The following PIGU variants were observed in gnomAD, a reference collection of about 807,000 sequenced individuals.
PIGU encodes phosphatidylinositol glycan anchor biosynthesis class U, also known as GPI-anchor transamidase component PIGU.
PIGU carries 24 observed loss-of-function variants against 49.9 expected under a neutral mutation model. The ratio of observed to expected loss-of-function variants is 0.48; its 90% CI spans 0.35 to 0.68. The LOEUF (loss-of-function observed/expected upper bound fraction) is 0.68. Among genes scored for constraint, PIGU ranks in the 30% least tolerant of loss-of-function variants. The pLI is 0.01. For missense variants in PIGU, 490 were observed against 532.6 expected, an observed-to-expected ratio of 0.92 and a Z score of 0.79; for synonymous variants, 220 against 205.7, an observed-to-expected ratio of 1.07 and a Z score of -0.59.
chr20:34,631,941 G>A (rs927224137), intron 6 of PIGU, among the ~76,000 whole-genome samples: 100 of 149,536 alleles, frequency 6.7e-4, no homozygotes, highest in African/African-American at 2.4e-3. Flanking sequence ...CTGGGCTCAA[G>A]TGACCCTCCT....
chr20:34,628,019 C>T (rs868181190), intron 6 of PIGU, among the ~76,000 whole-genome samples: 1 of 152,124 alleles, frequency 6.6e-6, no homozygotes, highest in East Asian at 1.9e-4. Flanking sequence ...CTTATAAAGA[C>T]CTAAGGCATC....
chr20:34,662,959 T>C (rs1327608104), intron 1 of PIGU, among the ~76,000 whole-genome samples: 1 of 151,996 alleles, frequency 6.6e-6, no homozygotes, highest in Non-Finnish European at 1.5e-5. Context: ...CAGACTGGAG[T>C]ACAGGAATTA....
At chr20:34,638,684 C>T (rs762220054) in intron 4 of PIGU, among the ~76,000 whole-genome samples, 27 of 152,168 alleles carry the variant, frequency 1.8e-4, no homozygotes, top group Middle Eastern at 3.4e-3. Flanking sequence ...ACAGAGGAGG[C>T]GTAGAATGGC....
At chr20:34,562,509 A>G in intron 11 of PIGU, 2 of 1,289,426 alleles carry the variant, frequency 1.6e-6, no homozygotes, top group Non-Finnish European at 2.0e-6. Context: ...TCCTGTCACC[A>G]GCAGCTCTGA....
At chr20:34,638,902 GC>G (rs1237139408) in intron 4 of PIGU, among the ~76,000 whole-genome samples, 1 of 152,216 alleles carries the variant, frequency 6.6e-6, no homozygotes, top group African/African-American at 2.4e-5. Flanking sequence ...AAAATCGGTG[GC>G]CCTGTTGATT....
intron 7 of PIGU, among the ~76,000 whole-genome samples, chr20:34,610,888 C>T (rs757076657): frequency 2.6e-4 from 39 of 152,232 alleles, no homozygotes; most frequent in Admixed American, 4.6e-4. Context: ...ACAGAGGCCT[C>T]AGAAATAATA....
At chr20:34,585,299 GA>G in intron 9 of PIGU, 137 bp downstream of exon 9, 1 of 1,064,236 alleles carries the variant, frequency 9.4e-7, no homozygotes, top group Non-Finnish European at 1.4e-6. Flanking sequence ...TGCGGCAACT[GA>G]AGGCAGGTTC....
chr20:34,622,594 A>G (rs1985286131), intron 6 of PIGU, among the ~76,000 whole-genome samples: 1 of 152,198 alleles, frequency 6.6e-6, no homozygotes, highest in African/African-American at 2.4e-5. Context: ...ACGGAGGGCT[A>G]AGCTTGCACA....
At chr20:34,591,805 A>T (rs1983999830) in intron 7 of PIGU, among the ~76,000 whole-genome samples, 1 of 152,226 alleles carries the variant, frequency 6.6e-6, no homozygotes, top group African/African-American at 2.4e-5. Context: ...CCTAGGAGTC[A>T]AAGAGAAATG....
At chr20:34,647,344 C>G (rs1224689921) in intron 2 of PIGU, among the ~76,000 whole-genome samples, 2 of 151,492 alleles carry the variant, frequency 1.3e-5, no homozygotes, top group Non-Finnish European at 2.9e-5. Flanking sequence ...TCACTGTAAC[C>G]TCCACCTCCC....
chr20:34,674,469 T>G (rs1987427412), intron 1 of PIGU, among the ~76,000 whole-genome samples: 1 of 152,208 alleles, frequency 6.6e-6, no homozygotes, highest in South Asian at 2.1e-4. Flanking sequence ...TGTCTCATCT[T>G]TGGATCCTTC....
intron 1 of PIGU, among the ~76,000 whole-genome samples, chr20:34,664,759 G>A (rs2146792165): frequency 6.6e-6 from 1 of 152,250 alleles, no homozygotes; most frequent in East Asian, 1.9e-4. Context: ...AGAGGCCAAG[G>A]AGGGTATATC....
intron 7 of PIGU, among the ~76,000 whole-genome samples, chr20:34,596,304 A>G (rs1466999777): frequency 6.6e-6 from 1 of 152,240 alleles, no homozygotes; most frequent in Non-Finnish European, 1.5e-5. Context: ...ACTGTCTCAG[A>G]CTAGGACAGA....
rs748331366 is a variant in PIGU, at chr20:34,581,674, T to TGGGGC, written c.927-7_927-3dup. ...AACATGAAGAAGATGGGGTGCTCCCTGGGGCAGGGCAGGGGAAAGAGAGAG... is the reference window on the plus strand; with the variant it reads ...AACATGAAGAAGATGGGGTGCTCCCTGGGGCGGGGCAGGGCAGGGGAAAGAGAGAG... On this transcript the variant is annotated splice_polypyrimidine_tract_variant and splice_region_variant and intron_variant, in intron 9 of 11. Transcript: ENST00000217446. The TGGGGC allele has an allele frequency of 6.2e-7, 1 of 1,604,264 alleles. No individual in the cohort carries two copies. The highest frequency in any genetic ancestry group is 8.5e-7 in the Non-Finnish European group (1 of 1,177,104).
chr20:34,653,615 T>A (rs951274620), intron 2 of PIGU, among the ~76,000 whole-genome samples: 1 of 152,174 alleles, frequency 6.6e-6, no homozygotes, highest in Non-Finnish European at 1.5e-5. Context: ...GCAGAGTAGC[T>A]GGCACTTAGT....
chr20:34,664,140 A>G (rs1987011666), intron 1 of PIGU, among the ~76,000 whole-genome samples: 1 of 152,164 alleles, frequency 6.6e-6, no homozygotes, highest in Non-Finnish European at 1.5e-5. Context: ...CAGACTATGT[A>G]AAACATGTAA....
At position 34,634,652 on chromosome 20, in the gene PIGU, G is replaced by A. The variant is rs773479160; in HGVS notation, c.492C>T (p.Asn164=). The change falls in exon 6 of 12, where the codon AAC becomes AAT. Residue 164 remains asparagine, a synonymous_variant. Coordinates refer to ENST00000217446, the MANE Select transcript of PIGU (RefSeq NM_080476.5). ...CVAKSTCAIN[N]TLIAFFILTT... Reference sequence around the variant, plus strand: ...TCAAAATGAAGAAAGCAATGAGGGTGTTGTTGATGGCACAGGTAGACTTGG... The same window carrying A: ...TCAAAATGAAGAAAGCAATGAGGGTATTGTTGATGGCACAGGTAGACTTGG... 1.2e-6 allele frequency: 2 copies of A among 1,613,172 alleles called. No homozygotes were observed. Among genetic ancestry groups the A allele is most frequent in the African/African-American group, 2.7e-5 (2 of 74,890 alleles).
intron 3 of PIGU, among the ~76,000 whole-genome samples, chr20:34,644,563 T>A (rs1279444819): frequency 1.3e-5 from 2 of 152,204 alleles, no homozygotes; most frequent in East Asian, 1.9e-4. Context: ...TAGCACACAG[T>A]AGGTCCTCAA....
At chr20:34,593,486 C>T (rs1055624716) in intron 7 of PIGU, among the ~76,000 whole-genome samples, 4 of 152,108 alleles carry the variant, frequency 2.6e-5, no homozygotes, top group Admixed American at 2.6e-4. Context: ...TATAAAACCT[C>T]TATAATTAAA....
Sources: gnomAD v4.1 joint callset for allele counts (sites outside exome capture counted in the v4.1 genomes callset) on GRCh38, gnomAD v4.1.1 for gene constraint, MANE v1.5 for transcripts, NCBI Gene and HGNC (gene_info 2026-07-23, HGNC 2026-07-21) for gene names.